The following ADAM28 variants were observed in gnomAD, a reference collection of about 807,000 sequenced individuals.
ADAM28 encodes the protein ADAM metallopeptidase domain 28.
ADAM28 carries 105 observed loss-of-function variants against 101.2 expected under a neutral mutation model. The ratio of observed to expected loss-of-function variants is 1.04; its 90% CI spans 0.89 to 1.22. The LOEUF is 1.22. Ranked by LOEUF, ADAM28 falls within the 50% of genes most tolerant of loss-of-function variation. The pLI is 0.00. For missense variants in ADAM28, 1,028 were observed against 945.4 expected, an observed-to-expected ratio of 1.09 and a Z score of -1.15; for synonymous variants, 322 against 310.6, an observed-to-expected ratio of 1.04 and a Z score of -0.39.
chr8:24,333,224 G>A (rs1464146251), intron 13 of ADAM28, among the ~76,000 whole-genome samples: 1 of 152,158 alleles, frequency 6.6e-6, no homozygotes, highest in African/African-American at 2.4e-5. Flanking sequence ...TGTAGCATGA[G>A]TAAGGTTAAA....
chr8:24,308,819 C>T (rs764230932), intron 2 of ADAM28: 1 of 401,238 alleles, frequency 2.5e-6, no homozygotes, highest in Non-Finnish European at 5.0e-6. Context: ...CAGCACGGTG[C>T]TCATGATCTG....
chr8:24,351,241 T>TACCA lies in ADAM28; in HGVS notation c.2110_2113dup (p.Thr705AsnfsTer33). 1 of 1,601,940 alleles carries TACCA rather than the reference T, an allele frequency of 6.2e-7. No individual in the cohort carries two copies. The highest frequency in any genetic ancestry group is 8.5e-7 in the Non-Finnish European group (1 of 1,174,760). On this transcript the variant is annotated frameshift_variant, in exon 20 of 23. Transcript: ENST00000265769. LOFTEE classifies it high-confidence loss of function. ...TGTTTCTCTCTTACAGGCCACTATC[T>TACCA]ACCACTGGCACCAGGCCACACAAAC...
chr8:24,327,471 A>T (rs1394266947), intron 10 of ADAM28, among the ~76,000 whole-genome samples: 1 of 152,166 alleles, frequency 6.6e-6, no homozygotes, highest in Non-Finnish European at 1.5e-5. Flanking sequence ...TGCCCAACAT[A>T]ATTTATAGAT....
At chr8:24,346,503 T>C (rs1442594869) in intron 18 of ADAM28, among the ~76,000 whole-genome samples, 2 of 152,134 alleles carry the variant, frequency 1.3e-5, no homozygotes, top group Non-Finnish European at 2.9e-5. Flanking sequence ...TGAATGAATT[T>C]AGAAACACTC....
intron 18 of ADAM28, among the ~76,000 whole-genome samples, chr8:24,349,520 A>T (rs7813576): frequency 0.072 from 11,012 of 152,208 alleles, 716 homozygotes; most frequent in African/African-American, 0.17. Flanking sequence ...CTGCTTTTCA[A>T]AAATGTTTCA....
chr8:24,317,261 A>G (rs1811275798), intron 6 of ADAM28, among the ~76,000 whole-genome samples: 1 of 152,066 alleles, frequency 6.6e-6, no homozygotes, highest in South Asian at 2.1e-4. Flanking sequence ...AAAAAAAAAG[A>G]CATCATACTA....
rs1157755290 is a variant in ADAM28, at chr8:24,306,357, T to TATATATATATATATATATATATATTTAA, written c.151-3536_151-3535insTATATATATATATATATATATATTTAAA. 2.0e-3 allele frequency among the ~76,000 whole-genome samples: 238 copies of TATATATATATATATATATATATATTTAA among 118,614 alleles called. 5 individuals carry two copies. Among genetic ancestry groups the TATATATATATATATATATATATATTTAA allele is most frequent in the African/African-American group, 7.6e-3 (224 of 29,292 alleles). 77.8% of individuals were successfully genotyped at this position (118,614 alleles called of 152,430 possible). A position where few individuals can be genotyped will look rare whatever the true frequency, so the allele number is the denominator to read the frequency against. ...AGACTCCATCTCAAATACAAATAAA[T>TATATATATATATATATATATATATTTAA]AAATAAATATATATATATATATATA... On this transcript the variant is annotated intron_variant, in intron 2 of 22. Coordinates refer to ENST00000265769, the MANE Select transcript of ADAM28 (RefSeq NM_014265.6).
intron 6 of ADAM28, among the ~76,000 whole-genome samples, chr8:24,319,492 G>A (rs953866106): frequency 6.6e-6 from 1 of 151,896 alleles, no homozygotes; most frequent in African/African-American, 2.4e-5. Context: ...TAGGAAGTAA[G>A]TACATGTCTC....
chr8:24,328,741 A>G (rs1812954876), intron 10 of ADAM28, among the ~76,000 whole-genome samples: 1 of 152,072 alleles, frequency 6.6e-6, no homozygotes, highest in African/African-American at 2.4e-5. Flanking sequence ...CAGCCTGGCC[A>G]ACATGGTTAA....
rs1808962301 is a variant in ADAM28 at position 24,302,729 on chromosome 8, A to AAGTGTTTTCATGTT, written c.150+2652_150+2653insAGTGTTTTCATGTT. Among the ~76,000 whole-genome samples, 3 of 152,146 alleles carry AAGTGTTTTCATGTT rather than the reference A, an allele frequency of 2.0e-5. No individual in the cohort carries two copies. In the South Asian group the frequency reaches 6.2e-4, roughly 32 times the overall value. ...TTTTTCATGTTTGTTGGCTGCATGA[A>AAGTGTTTTCATGTT]TGTCTTCTTTTGAGAAGTGTCTGTT... On this transcript the variant is annotated intron_variant, in intron 2 of 22. Coordinates refer to ENST00000265769, the MANE Select transcript of ADAM28 (RefSeq NM_014265.6).
chr8:24,300,179 T>C (rs1808530137), intron 2 of ADAM28, 102 bp downstream of exon 2: 1 of 918,708 alleles, frequency 1.1e-6, no homozygotes, highest in Admixed American at 2.7e-5. Flanking sequence ...TTTATACATG[T>C]ATGTTTATAT....
In ADAM28 at chr8:24,353,867, T is replaced by C. The variant is rs149479076; in HGVS notation, c.2307+35T>C. On this transcript the variant is annotated intron_variant, in intron 22 of 22. Transcript: ENST00000265769. ...CTATAGCCAAATTATTATATTCTTG[T>C]ATTATAATCTCCTACTGTCAAGAGA... 8.1e-6 allele frequency: 11 copies of C among 1,363,440 alleles called. No individual in the cohort carries two copies. In the African/African-American group the frequency reaches 1.6e-4, roughly 20 times the overall value. 84.5% of individuals were successfully genotyped at this position (1,363,440 alleles called of 1,614,324 possible).
intron 14 of ADAM28, chr8:24,335,983 T>C: frequency 1.9e-6 from 2 of 1,046,716 alleles, no homozygotes; most frequent in Non-Finnish European, 2.3e-6. Context: ...TGTCTTTTTC[T>C]TTTCATCTGG....
At chr8:24,318,153 G>T (rs979713752) in intron 6 of ADAM28, among the ~76,000 whole-genome samples, 6 of 152,000 alleles carry the variant, frequency 3.9e-5, no homozygotes, top group African/African-American at 1.4e-4. Context: ...GGCCACCTTT[G>T]ATTGGCCAGA....
chr8:24,346,179 T>G (rs1047906710), intron 18 of ADAM28, among the ~76,000 whole-genome samples: 1 of 152,134 alleles, frequency 6.6e-6, no homozygotes, highest in Non-Finnish European at 1.5e-5. Flanking sequence ...CATTAAATTC[T>G]AAAGTTAGTT....
In ADAM28 at chr8:24,300,784, T is replaced by A. The variant is rs557939983; in HGVS notation, c.150+707T>A. On this transcript the variant is annotated intron_variant, in intron 2 of 22. Coordinates refer to ENST00000265769, the MANE Select transcript of ADAM28 (RefSeq NM_014265.6). ...GAAAATTGGATGCTATCTCTCTATCTATCCATCCTTCCAAACACAACTATG... is the reference window on the plus strand; with the variant it reads ...GAAAATTGGATGCTATCTCTCTATCAATCCATCCTTCCAAACACAACTATG... 3.3e-5 allele frequency: 5 copies of A among 152,318 alleles called. No individual in the cohort carries two copies. The South Asian group carries it at 1.0e-3, about 32-fold the overall frequency. 9.4% of individuals were successfully genotyped at this position (152,318 alleles called of 1,614,324 possible). A position where few individuals can be genotyped will look rare whatever the true frequency, so the allele number is the denominator to read the frequency against.
At chr8:24,327,388 A>G (rs530973066) in intron 10 of ADAM28, among the ~76,000 whole-genome samples, 2 of 152,122 alleles carry the variant, frequency 1.3e-5, no homozygotes, top group East Asian at 1.9e-4. Context: ...GGAAGTAAGA[A>G]AGGACACTAA....
At chr8:24,320,347 C>T in intron 7 of ADAM28, 40 bp downstream of exon 7, 1 of 1,278,538 alleles carries the variant, frequency 7.8e-7, no homozygotes, top group South Asian at 1.3e-5. Context: ...CCAAAACTCC[C>T]ACCCACATAT....
In ADAM28 at chr8:24,330,110, A is replaced by C. The variant is rs1346186620; in HGVS notation, c.1098A>C (p.Ala366=). Residue 366 remains alanine, a synonymous_variant, in exon 11 of 23, where the codon GCA becomes GCC. Transcript: ENST00000265769. ...CPSTICVMDK[A]LSFYIPTDFS... is the part of the protein sequence containing the mutation. ...CTACAATATGTGTGATGGACAAAGC[A>C]CTGAGGTGAGGCTCTCTGGGCCCTG... The C allele has an allele frequency of 3.7e-6, 6 of 1,612,968 alleles. No homozygotes were observed. Among genetic ancestry groups the C allele is most frequent in the Non-Finnish European group, 5.1e-6 (6 of 1,179,250 alleles).
Sources: gnomAD v4.1 joint callset for allele counts (sites outside exome capture counted in the v4.1 genomes callset) on GRCh38, gnomAD v4.1.1 for gene constraint, MANE v1.5 for transcripts, NCBI Gene and HGNC (gene_info 2026-07-23, HGNC 2026-07-21) for gene names.